Variants in ADCK2 observed in about 807,000 individuals in gnomAD.
The protein encoded by ADCK2 is aarF domain containing kinase 2, also known as uncharacterized aarF domain-containing protein kinase 2.
A neutral mutation model predicts 52.3 loss-of-function variants in ADCK2; 37 were observed. The observed-to-expected ratio is 0.71, with a 90% CI of 0.54 to 0.93. ADCK2 has a LOEUF of 0.93. ADCK2 is among the 40% of genes least tolerant of loss of function. The probability of loss-of-function intolerance (pLI) is 0.00; values close to 1 mark genes in which losing one functional copy is unlikely to be tolerated. For missense variants in ADCK2, 695 were observed against 798.7 expected (o/e 0.87, Z 1.56); for synonymous variants, 321 against 349.2 (o/e 0.92, Z 0.90).
In ADCK2 at chr7:140,674,400, T is replaced by A; in HGVS notation, c.933+137T>A. ...GAGTGCTTATTTCATGCAAGCTGTT[T>A]CATTTATTGGCTTGAAGTGGCGGTG... On this transcript the variant is annotated intron_variant, in intron 1 of 7. Transcript: ENST00000072869. The surrounding 1 kb of genome is among the most constrained non-coding windows in gnomAD (Gnocchi z 4.6). The A allele has an allele frequency of 8.6e-7, 1 of 1,159,734 alleles. No homozygotes were observed. The highest frequency in any genetic ancestry group is 1.6e-5 in the African/African-American group (1 of 63,868). 71.8% of individuals were successfully genotyped at this position (1,159,734 alleles called of 1,614,324 possible).
rs1412420614 is a variant in ADCK2, at chr7:140,690,799, C to A, written c.1726C>A (p.Leu576Met). ...CCTTCTCTCTAGTGTCTTTAAGTTG[C>A]TGATGACTCACAAGGTGAGGGCCAT... The part of the protein sequence containing the change: ...SSLLSSVFKL[L>M]MTHKVKLESN... Residue 576 changes from leucine (L) to methionine (M), a missense_variant, in exon 7 of 8, where the codon CTG becomes ATG. By Grantham distance (15) the Leu-to-Met change is conservative. Coordinates refer to ENST00000072869, the MANE Select transcript of ADCK2 (RefSeq NM_052853.4). 1 of 1,613,592 alleles carries A rather than the reference C, an allele frequency of 6.2e-7. No homozygotes were observed.
rs894794674 is a variant in ADCK2 at position 140,678,599 on chromosome 7, G to A, written c.1081-556G>A. 2.6e-5 allele frequency among the ~76,000 whole-genome samples: 4 copies of A among 152,166 alleles called. No individual in the cohort carries two copies. Among genetic ancestry groups the A allele is most frequent in the Non-Finnish European group, 2.9e-5 (2 of 68,026 alleles). On this transcript the variant is annotated intron_variant, in intron 2 of 7. Transcript: ENST00000072869. The surrounding 1 kb of genome is among the most constrained non-coding windows in gnomAD (Gnocchi z 4.9). Reference sequence around the variant, plus strand: ...CAGGTGCCGGGGGAAGAGCCATCACGGAGAGACAGGTCAGCAGCGGCACCA... The same window carrying A: ...CAGGTGCCGGGGGAAGAGCCATCACAGAGAGACAGGTCAGCAGCGGCACCA...
chr7:140,676,678 G>C (rs1181337049), intron 2 of ADCK2, among the ~76,000 whole-genome samples: 4 of 152,332 alleles, frequency 2.6e-5, no homozygotes, highest in Middle Eastern at 6.8e-3. Context: ...TCTGGGTATA[G>C]TGTGTGAGTG....
At position 140,673,196 on chromosome 7, in the gene ADCK2, G is replaced by A; in HGVS notation, c.-135G>A. The A allele has an allele frequency of 1.5e-6, 1 of 654,406 alleles. No individual in the cohort carries two copies. Among genetic ancestry groups the A allele is most frequent in the Non-Finnish European group, 2.2e-6 (1 of 447,662 alleles). 40.5% of individuals were successfully genotyped at this position (654,406 alleles called of 1,614,324 possible). A position where few individuals can be genotyped will look rare whatever the true frequency, so the allele number is the denominator to read the frequency against. ...GAGGCCCGGCGAGGTGCTGGAGGGA[G>A]CGGGGCGCGGATCCGGCCCAGATGG... is the stretch of plus-strand genomic sequence containing the variant. On this transcript the variant is annotated 5_prime_UTR_variant, in exon 1 of 8. Transcript: ENST00000072869. This position sits in a 1 kb window ranked among gnomAD's most constrained non-coding sequence, Gnocchi z 6.4.
intron 7 of ADCK2, 89 bp downstream of exon 7, chr7:140,690,902 A>G (rs1374524270): frequency 4.2e-6 from 5 of 1,177,614 alleles, no homozygotes; most frequent in Non-Finnish European, 4.9e-6. Context: ...AGGCGCTTCT[A>G]TTATATGGTT....
intron 7 of ADCK2, among the ~76,000 whole-genome samples, chr7:140,691,347 G>A (rs1794699618): frequency 6.6e-6 from 1 of 152,208 alleles, no homozygotes; most frequent in African/African-American, 2.4e-5. Flanking sequence ...GTAGAAAAGT[G>A]TATTTAAAAA....
chr7:140,685,576 C>G (rs1034619700), intron 4 of ADCK2, among the ~76,000 whole-genome samples: 5 of 152,198 alleles, frequency 3.3e-5, no homozygotes, highest in Non-Finnish European at 7.3e-5. Flanking sequence ...CCCAGCCCCC[C>G]AGGTCCCAGG....
rs1462618255 is a variant in ADCK2, at chr7:140,693,909, CT to C, written c.1741-753del. On this transcript the variant is annotated intron_variant, in intron 7 of 7. Coordinates refer to ENST00000072869, the MANE Select transcript of ADCK2 (RefSeq NM_052853.4). This position sits in a 1 kb window ranked among gnomAD's most constrained non-coding sequence, Gnocchi z 4.0. ...TATTTTTAGTAGAGGCAGGGTTTCA[CT>C]GTGTCAGCCAGGATGGTCTCGATCT... Among the ~76,000 whole-genome samples, 1 of 152,014 alleles carries C rather than the reference CT, an allele frequency of 6.6e-6. No individual in the cohort carries two copies. The highest frequency in any genetic ancestry group is 1.5e-5 in the Non-Finnish European group (1 of 68,012).
Position 140,695,065 on chromosome 7 carries a change from G to A in ADCK2, c.*262G>A. The A allele has an allele frequency of 8.2e-7, 1 of 1,218,042 alleles. No individual in the cohort carries two copies. Among genetic ancestry groups the A allele is most frequent in the Non-Finnish European group, 1.0e-6 (1 of 978,856 alleles). 75.5% of individuals were successfully genotyped at this position (1,218,042 alleles called of 1,614,324 possible). A position where few individuals can be genotyped will look rare whatever the true frequency, so the allele number is the denominator to read the frequency against. ...AGGTGCCAGGGACACTCTCCTTCAG[G>A]GAAAATGTTATGTGGAGGAGGACGA... On this transcript the variant is annotated 3_prime_UTR_variant, in exon 8 of 8. Coordinates refer to ENST00000072869, the MANE Select transcript of ADCK2 (RefSeq NM_052853.4).
At chr7:140,685,404 C>T (rs1007030756) in intron 4 of ADCK2, among the ~76,000 whole-genome samples, 3 of 151,354 alleles carry the variant, frequency 2.0e-5, no homozygotes, top group Non-Finnish European at 4.4e-5. Flanking sequence ...GAGCCCAGAT[C>T]GCACCATTGT....
At chr7:140,680,164 G>C (rs775575323) in intron 3 of ADCK2, among the ~76,000 whole-genome samples, 6 of 142,862 alleles carry the variant, frequency 4.2e-5, no homozygotes, top group Admixed American at 2.8e-4. Context: ...TTTTTTTTTT[G>C]AGACAAGGTC....
chr7:140,688,301 C>T (rs1416005577), intron 5 of ADCK2, among the ~76,000 whole-genome samples: 1 of 152,168 alleles, frequency 6.6e-6, no homozygotes, highest in Non-Finnish European at 1.5e-5. Context: ...GCCTCAGCCT[C>T]CCAAGGTGCT....
intron 7 of ADCK2, 97 bp from the exon 8 acceptor site, chr7:140,694,566 T>G: frequency 3.2e-6 from 4 of 1,235,264 alleles, no homozygotes; most frequent in South Asian, 2.8e-5. Context: ...TGGGCAGGTC[T>G]GAGGGAGGCT....
intron 3 of ADCK2, 140 bp from the exon 4 acceptor site, chr7:140,680,902 A>T: frequency 2.8e-6 from 2 of 712,896 alleles, no homozygotes; most frequent in South Asian, 3.5e-5. Context: ...GCTGAATGAC[A>T]GATGGGTTCT....
chr7:140,689,649 G>C lies in ADCK2; in HGVS notation c.1610G>C (p.Arg537Thr). The C allele has an allele frequency of 1.9e-6, 3 of 1,613,188 alleles. No individual in the cohort carries two copies. The highest frequency in any genetic ancestry group is 2.5e-6 in the Non-Finnish European group (3 of 1,179,472). Residue 537 changes from arginine to threonine, a missense_variant, in exon 6 of 8, where the codon AGG becomes ACG. Coordinates refer to ENST00000072869, the MANE Select transcript of ADCK2 (RefSeq NM_052853.4). ...CATCATGCCCGGGCCAGCGAGTGCA[G>C]GGACGTGGAGGGGTTCAAAACCGAG... ...ILHHARASEC[R>T]DVEGFKTEMA... is the part of the protein sequence containing the mutation.
At position 140,673,391 on chromosome 7, in the gene ADCK2, C is replaced by G. The variant is rs1055398922; in HGVS notation, c.61C>G (p.Leu21Val). The change falls in exon 1 of 8, where the codon CTC becomes GTC. Residue 21 changes from leucine to valine, a missense_variant. Coordinates refer to ENST00000072869, the MANE Select transcript of ADCK2 (RefSeq NM_052853.4). This position sits in a 1 kb window ranked among gnomAD's most constrained non-coding sequence, Gnocchi z 6.4. ...VCLSHLRCFE[L>V]RQGLSLLRPS... ...CCTGTCGCACCTGAGGTGCTTCGAG[C>G]TCAGACAGGGACTCAGCCTCCTGAG... 3 of 1,560,538 alleles carry G rather than the reference C, an allele frequency of 1.9e-6. No individual in the cohort carries two copies. The highest frequency in any genetic ancestry group is 2.6e-6 in the Non-Finnish European group (3 of 1,153,606).
At chr7:140,686,317 G>A (rs562496181) in intron 4 of ADCK2, among the ~76,000 whole-genome samples, 17 of 152,120 alleles carry the variant, frequency 1.1e-4, no homozygotes, top group African/African-American at 3.6e-4. Flanking sequence ...GTCTCGCTCC[G>A]TCGCCCAGAC....
chr7:140,686,971 C>T lies in ADCK2; in HGVS notation c.1306-19C>T, dbSNP rs769931054. On this transcript the variant is annotated intron_variant, in intron 4 of 7. Coordinates refer to ENST00000072869, the MANE Select transcript of ADCK2 (RefSeq NM_052853.4). ...GCTCTAGGGGCGACTCACTCATGAGCATTGTGATCTCCTTCCAGATATTTG... is the reference window on the plus strand; with the variant it reads ...GCTCTAGGGGCGACTCACTCATGAGTATTGTGATCTCCTTCCAGATATTTG... 1 of 1,609,092 alleles carries T rather than the reference C, an allele frequency of 6.2e-7. No individual in the cohort carries two copies. Among genetic ancestry groups the T allele is most frequent in the Non-Finnish European group, 8.5e-7 (1 of 1,175,780 alleles).
Position 140,694,650 on chromosome 7 carries a change from T to C in ADCK2, c.1741-13T>C, listed in dbSNP as rs1367976556. The C allele has an allele frequency of 1.2e-6, 2 of 1,612,644 alleles. No homozygotes were observed. The highest frequency in any genetic ancestry group is 2.7e-5 in the African/African-American group (2 of 74,916). On this transcript the variant is annotated splice_polypyrimidine_tract_variant and intron_variant, in intron 7 of 7. Coordinates refer to ENST00000072869, the MANE Select transcript of ADCK2 (RefSeq NM_052853.4). ...CATGTTCTGAGATGAACTGTTCTGTTTTTCTGTTCCAGGTAAAGCTTGAGA... is the reference window on the plus strand; with the variant it reads ...CATGTTCTGAGATGAACTGTTCTGTCTTTCTGTTCCAGGTAAAGCTTGAGA...
Sources: gnomAD v4.1 joint callset for allele counts (sites outside exome capture counted in the v4.1 genomes callset) on GRCh38, gnomAD v4.1.1 for gene constraint, Gnocchi (gnomAD v3.1) non-coding constraint, MANE v1.5 for transcripts, NCBI Gene and HGNC (gene_info 2026-07-23, HGNC 2026-07-21) for gene names.